IL1RAPL2: variants seen among roughly 807,000 people sequenced by gnomAD.
IL1RAPL2 encodes X-linked interleukin-1 receptor accessory protein-like 2.
Under a neutral mutation model 44.1 loss-of-function variants are expected in IL1RAPL2, and 3 were observed. The observed-to-expected ratio is 0.07, with a 90% CI of 0.03 to 0.18. The LOEUF is 0.18. IL1RAPL2 is among the 10% of genes least tolerant of loss of function. The probability of loss-of-function intolerance (pLI) is 1.00; values close to 1 mark genes in which losing one functional copy is unlikely to be tolerated. For missense variants in IL1RAPL2, 391 were observed against 496.4 expected (o/e 0.79, Z 2.02); for synonymous variants, 181 against 178.8 (o/e 1.01, Z -0.10).
intron 5 of IL1RAPL2, among the ~76,000 whole-genome samples, chrX:105,380,774 T>A (rs1311874566): frequency 9.0e-6 from 1 of 111,407 alleles, no homozygotes; most frequent in Non-Finnish European, 1.9e-5. Context: ...CATACAAAGG[T>A]CTCCTTTGTA....
intron 6 of IL1RAPL2, among the ~76,000 whole-genome samples, chrX:105,679,613 A>T (rs1364021294): frequency 1.8e-5 from 2 of 112,047 alleles, no homozygotes; most frequent in Non-Finnish European, 3.8e-5. Flanking sequence ...AACTTACAAG[A>T]AGTTGCAAAA....
At chrX:104,885,628 A>G (rs927202121) in intron 2 of IL1RAPL2, among the ~76,000 whole-genome samples, 9 of 111,938 alleles carry the variant, frequency 8.0e-5, no homozygotes, top group Non-Finnish European at 1.5e-4. Flanking sequence ...TCGGTGTTCT[A>G]TAATAGGGAC....
intron 5 of IL1RAPL2, among the ~76,000 whole-genome samples, chrX:105,418,537 T>G (rs895100635): frequency 8.9e-6 from 1 of 111,942 alleles, no homozygotes; most frequent in Non-Finnish European, 1.9e-5. Flanking sequence ...ACTTGAAACA[T>G]AATAATATCA....
intron 2 of IL1RAPL2, among the ~76,000 whole-genome samples, chrX:104,863,115 T>C (rs762126766): frequency 7.2e-5 from 8 of 111,877 alleles, no homozygotes; most frequent in Non-Finnish European, 1.5e-4. Context: ...TTGGAGGATG[T>C]AGCTGAGCAT....
intron 2 of IL1RAPL2, among the ~76,000 whole-genome samples, chrX:104,903,801 A>T (rs1046186679): frequency 9.1e-6 from 1 of 110,245 alleles, no homozygotes; most frequent in African/African-American, 3.3e-5. Context: ...CTGGTCATGA[A>T]CTCCTGACCT....
At chrX:105,525,255 C>T (rs747724525) in intron 6 of IL1RAPL2, among the ~76,000 whole-genome samples, 1 of 111,204 alleles carries the variant, frequency 9.0e-6, no homozygotes, top group Non-Finnish European at 1.9e-5. Flanking sequence ...TTAGTTTCAG[C>T]TGCTATGAAG....
At position 104,925,118 on chromosome X, in the gene IL1RAPL2, G is replaced by GA. The variant is rs747215634; in HGVS notation, c.82+266130dup. On this transcript the variant is annotated intron_variant, in intron 2 of 10. Transcript: ENST00000372582. Reference sequence around the variant, plus strand: ...ACCTAGAGGAAATCAATAAATTCCTGAAAAAAAGACAACCCTCCAAGAATG... The same window carrying GA: ...ACCTAGAGGAAATCAATAAATTCCTGAAAAAAAAGACAACCCTCCAAGAATG... Among the ~76,000 whole-genome samples, 411 of 95,434 alleles carry GA rather than the reference G, an allele frequency of 4.3e-3. 1 individual carries two copies. The highest frequency in any genetic ancestry group is 7.7e-3 in the Non-Finnish European group (371 of 47,978). 82.9% of individuals were successfully genotyped at this position (95,434 alleles called of 115,157 possible).
intron 2 of IL1RAPL2, among the ~76,000 whole-genome samples, chrX:104,677,355 C>G (rs1006715600): frequency 3.7e-5 from 4 of 109,483 alleles, no homozygotes; most frequent in African/African-American, 1.3e-4. Flanking sequence ...AATACCCTGC[C>G]GTGTGAGGTG....
chrX:104,901,427 G>A (rs1923816274), intron 2 of IL1RAPL2, among the ~76,000 whole-genome samples: 1 of 108,684 alleles, frequency 9.2e-6, no homozygotes, highest in South Asian at 4.1e-4. Flanking sequence ...TAGCCAGGAT[G>A]GTCTGGATCT....
chrX:105,372,435 CAA>C (rs369933788), intron 5 of IL1RAPL2, among the ~76,000 whole-genome samples: 1,730 of 87,065 alleles, frequency 0.02, 40 homozygotes, highest in African/African-American at 0.073. Context: ...GACCCTATCT[CAA>C]AAAAAAAAAA....
intron 6 of IL1RAPL2, among the ~76,000 whole-genome samples, chrX:105,512,010 C>T (rs1013699696): frequency 4.5e-5 from 5 of 110,695 alleles, no homozygotes; most frequent in Admixed American, 1.9e-4. Flanking sequence ...TTGTGTGATA[C>T]GAATACTTAA....
chrX:105,347,556 C>CCATCAT lies in IL1RAPL2; in HGVS notation c.697+80057_697+80062dup, dbSNP rs35941963. On this transcript the variant is annotated intron_variant, in intron 5 of 10. Coordinates refer to ENST00000372582, the MANE Select transcript of IL1RAPL2 (RefSeq NM_017416.2). ...TCCTCCCGCTCTTCCCTCTCTTCCT[C>CCATCAT]CATCATCATCATCATCATCATCATC... Among the ~76,000 whole-genome samples the CCATCAT allele has an allele frequency of 4.1e-4, 41 of 100,523 alleles. No homozygotes were observed. In the East Asian group the frequency reaches 7.2e-3, roughly 18 times the overall value. The allele number at this position is 100,523 out of a possible 115,157, so 87.3% of individuals were successfully genotyped here.
intron 5 of IL1RAPL2, among the ~76,000 whole-genome samples, chrX:105,356,765 G>T (rs769064052): frequency 3.6e-5 from 4 of 111,934 alleles, no homozygotes; most frequent in Non-Finnish European, 7.5e-5. Flanking sequence ...TGAAATTGTG[G>T]TAAGCATTAG....
intron 7 of IL1RAPL2, 90 bp from the exon 8 acceptor site, chrX:105,740,456 G>T (rs1478152545): frequency 4.4e-6 from 4 of 917,045 alleles, no homozygotes; most frequent in Non-Finnish European, 4.6e-6. Flanking sequence ...TCAGAGACCT[G>T]TGTGAGCTGT....
In IL1RAPL2 at chrX:105,350,489, C is replaced by T. The variant is rs572962578; in HGVS notation, c.697+82948C>T. 3.6e-5 allele frequency among the ~76,000 whole-genome samples: 4 copies of T among 112,116 alleles called. No homozygotes were observed. The South Asian group carries it at 1.5e-3, about 42-fold the overall frequency. On this transcript the variant is annotated intron_variant, in intron 5 of 10. Coordinates refer to ENST00000372582, the MANE Select transcript of IL1RAPL2 (RefSeq NM_017416.2). ...CCGTAATCCCAGCACTTTGGGAGGTCGAGGCGGGTGGATCGTCTGAGGTTG... is the reference window on the plus strand; with the variant it reads ...CCGTAATCCCAGCACTTTGGGAGGTTGAGGCGGGTGGATCGTCTGAGGTTG...
chrX:105,758,791 A>G, intron 10 of IL1RAPL2, among the ~76,000 whole-genome samples: 1 of 112,329 alleles, frequency 8.9e-6, no homozygotes. Context: ...GAATAGCGAA[A>G]GCAACTTTGT....
chrX:105,050,837 C>T (rs2031910712), intron 2 of IL1RAPL2, among the ~76,000 whole-genome samples: 2 of 112,573 alleles, frequency 1.8e-5, no homozygotes, highest in South Asian at 7.3e-4. Context: ...GAGAGGGTGG[C>T]TTTTCTCTGC....
chrX:105,347,556 CCATCATCATCATCATCAT>C (rs35941963), intron 5 of IL1RAPL2, among the ~76,000 whole-genome samples: 16 of 100,479 alleles, frequency 1.6e-4, no homozygotes, highest in African/African-American at 3.0e-4. Flanking sequence ...CTCTCTTCCT[CCATCATCATCATCATCAT>C]CATCATCATC....
chrX:105,706,600 A>G (rs1264073723), intron 6 of IL1RAPL2, among the ~76,000 whole-genome samples: 3 of 111,102 alleles, frequency 2.7e-5, no homozygotes, highest in Non-Finnish European at 5.7e-5. Context: ...TTACAGGAGG[A>G]GTAATGTAAA....
Sources: allele counts gnomAD v4.1 joint callset (sites outside exome capture counted in the v4.1 genomes callset), GRCh38; gene constraint gnomAD v4.1.1; transcripts MANE v1.5; gene names NCBI Gene and HGNC (gene_info 2026-07-23, HGNC 2026-07-21).